TCF20: variants seen among roughly 807,000 people sequenced by gnomAD.
TCF20 encodes the protein SPRE-binding protein.
In TCF20, 3 loss-of-function variants were observed where a neutral mutation model predicts 148.6. The observed-to-expected ratio is 0.02, with a 90% CI of 0.01 to 0.05. TCF20 has a LOEUF of 0.05. Among genes scored for constraint, TCF20 ranks in the 10% least tolerant of loss-of-function variants. The probability of loss-of-function intolerance (pLI) is 1.00; values close to 1 mark genes in which losing one functional copy is unlikely to be tolerated. For synonymous variants in TCF20, 1,049 were observed against 909.5 expected (o/e 1.15, Z -2.76); for missense variants, 2,350 against 2,429.3 (o/e 0.97, Z 0.69).
chr22:42,269,975 C>G (rs991126801), intron 1 of TCF20: 2 of 152,426 alleles, frequency 1.3e-5, no homozygotes, highest in South Asian at 4.1e-4. Flanking sequence ...TCCCGGACGC[C>G]GCCCGCTCAC....
intron 1 of TCF20, among the ~76,000 whole-genome samples, chr22:42,227,266 C>G (rs1922993921): frequency 6.6e-6 from 1 of 152,098 alleles, no homozygotes; most frequent in East Asian, 1.9e-4. Context: ...GACAGAGCAA[C>G]AGCCTCTCTC....
At chr22:42,329,201 T>C (rs773055334) in intron 1 of TCF20, among the ~76,000 whole-genome samples, 1 of 152,126 alleles carries the variant, frequency 6.6e-6, no homozygotes, top group African/African-American at 2.4e-5. Flanking sequence ...CAAGAAGTGA[T>C]AAGGAGTCAG....
At position 42,215,012 on chromosome 22, in the gene TCF20, G is replaced by T; in HGVS notation, c.294C>A (p.Pro98=). ...GAGGCTGTGGGGTTCCTGTAGTCAC[G>T]GGGTCTTTGTTGCCTGCCATGTAGT... ...DFYYMAGNKD[P]VTTGTPQPPQ... Residue 98 remains proline (P), a synonymous_variant, in exon 2 of 6, where the codon CCC becomes CCA. Coordinates refer to ENST00000677622, the MANE Select transcript of TCF20 (RefSeq NM_001378418.1). 1.9e-6 allele frequency: 3 copies of T among 1,614,194 alleles called. No homozygotes were observed. The highest frequency in any genetic ancestry group is 2.5e-6 in the Non-Finnish European group (3 of 1,180,048).
At chr22:42,237,301 T>A (rs1324739617) in intron 1 of TCF20, among the ~76,000 whole-genome samples, 2 of 152,234 alleles carry the variant, frequency 1.3e-5, no homozygotes, top group Admixed American at 1.3e-4. Flanking sequence ...ATAAATCACT[T>A]TCTTTGCTCA....
chr22:42,312,472 G>A (rs1237731049), intron 1 of TCF20, among the ~76,000 whole-genome samples: 1 of 152,074 alleles, frequency 6.6e-6, no homozygotes, highest in Non-Finnish European at 1.5e-5. Flanking sequence ...TATACAAAAG[G>A]AGCTATGGAG....
chr22:42,308,164 G>A (rs372311133), intron 1 of TCF20, among the ~76,000 whole-genome samples: 1 of 152,282 alleles, frequency 6.6e-6, no homozygotes, highest in South Asian at 2.1e-4. Flanking sequence ...TGGTCTGGTA[G>A]CTGGGGTGGG....
At chr22:42,339,187 C>T (rs950926524) in intron 1 of TCF20, among the ~76,000 whole-genome samples, 1 of 152,184 alleles carries the variant, frequency 6.6e-6, no homozygotes, top group African/African-American at 2.4e-5. Flanking sequence ...TGGCCTAGCG[C>T]TCGTCCTCAC....
chr22:42,220,226 T>C (rs1188554707), intron 1 of TCF20, among the ~76,000 whole-genome samples: 1 of 152,208 alleles, frequency 6.6e-6, no homozygotes, highest in Non-Finnish European at 1.5e-5. Context: ...TGGAGTGCAG[T>C]GGCATGACCA....
Position 42,211,850 on chromosome 22 carries a change from G to A in TCF20, c.3456C>T (p.Tyr1152=), listed in dbSNP as rs768006744. The change falls in exon 2 of 6, where the codon TAC becomes TAT. Residue 1152 remains tyrosine, a synonymous_variant. Coordinates refer to ENST00000677622, the MANE Select transcript of TCF20 (RefSeq NM_001378418.1). The part of the protein sequence containing the change: ...GMMYGPPVGT[Y]HDPSAQEAGR... ...CAGCCTCCTGGGCACTGGGGTCATGGTAAGTCCCCACTGGTGGGCCATACA... is the reference window on the plus strand; with the variant it reads ...CAGCCTCCTGGGCACTGGGGTCATGATAAGTCCCCACTGGTGGGCCATACA... 6.2e-7 allele frequency: 1 copy of A among 1,614,186 alleles called. No homozygotes were observed. The highest frequency in any genetic ancestry group is 8.5e-7 in the Non-Finnish European group (1 of 1,180,036).
chr22:42,236,091 T>C (rs1923859016), intron 1 of TCF20, among the ~76,000 whole-genome samples: 1 of 151,888 alleles, frequency 6.6e-6, no homozygotes, highest in Non-Finnish European at 1.5e-5. Context: ...AATCACTTGC[T>C]TGTACACCCA....
At chr22:42,248,038 T>G (rs573348649) in intron 1 of TCF20, among the ~76,000 whole-genome samples, 2 of 152,172 alleles carry the variant, frequency 1.3e-5, no homozygotes, top group Non-Finnish European at 2.9e-5. Context: ...CTAGGAAACA[T>G]GGATGCAGAC....
At chr22:42,243,276 G>C (rs1235687545) in intron 1 of TCF20, among the ~76,000 whole-genome samples, 2 of 99,570 alleles carry the variant, frequency 2.0e-5, no homozygotes, top group Non-Finnish European at 3.6e-5. Flanking sequence ...CTGGCTGGCA[G>C]AGCAAGACAC....
Position 42,243,310 on chromosome 22 carries a change from A to AAAAAAAAAAAAAAAAAAAAAAAAAAC in TCF20, c.-37+27028_-37+27029insGTTTTTTTTTTTTTTTTTTTTTTTTT, listed in dbSNP as rs1569180401. On this transcript the variant is annotated intron_variant, in intron 1 of 5. Coordinates refer to ENST00000677622, the MANE Select transcript of TCF20 (RefSeq NM_001378418.1). ...ACTGTCTCAAAAAAAAAAAAAAAAAAAAAAAAAAAAAGTCAGGCATGATGG... is the reference window on the plus strand; with the variant it reads ...ACTGTCTCAAAAAAAAAAAAAAAAAAAAAAAAAAAAAAAAAAAAAAAAAAACAAAAAAAAAAAGTCAGGCATGATGG... Among the ~76,000 whole-genome samples the AAAAAAAAAAAAAAAAAAAAAAAAAAC allele has an allele frequency of 6.4e-5, 9 of 140,948 alleles. 1 individual carries two copies. The highest frequency in any genetic ancestry group is 2.4e-4 in the African/African-American group (8 of 33,012). 92.5% of individuals were successfully genotyped at this position (140,948 alleles called of 152,430 possible). A position where few individuals can be genotyped will look rare whatever the true frequency, so the allele number is the denominator to read the frequency against.
chr22:42,181,128 A>G (rs191220772), intron 2 of TCF20, among the ~76,000 whole-genome samples: 2 of 152,302 alleles, frequency 1.3e-5, no homozygotes, highest in Admixed American at 6.5e-5. Flanking sequence ...AGGACTATCA[A>G]CTTCAGAGAA....
intron 2 of TCF20, among the ~76,000 whole-genome samples, chr22:42,195,048 G>A (rs1452362023): frequency 6.6e-6 from 1 of 150,946 alleles, no homozygotes; most frequent in Non-Finnish European, 1.5e-5. Context: ...GCATTTCAAT[G>A]TCTAGGAGGC....
chr22:42,178,585 C>CTTTTTTT (rs71184870), intron 3 of TCF20, among the ~76,000 whole-genome samples: 1 of 78,428 alleles, frequency 1.3e-5, no homozygotes, highest in Non-Finnish European at 2.5e-5. Flanking sequence ...ACAAATAATT[C>CTTTTTTT]TTTTTTTTTT....
intron 5 of TCF20, among the ~76,000 whole-genome samples, chr22:42,166,557 C>T (rs1018105480): frequency 1.3e-5 from 2 of 149,268 alleles, no homozygotes; most frequent in Non-Finnish European, 1.5e-5. Context: ...TGCAGTGAGC[C>T]GAGATCGTGC....
chr22:42,218,469 C>A (rs558535571), intron 1 of TCF20, among the ~76,000 whole-genome samples: 11 of 152,178 alleles, frequency 7.2e-5, no homozygotes, highest in Non-Finnish European at 1.6e-4. Context: ...TTGTGATGTG[C>A]TCCTGCTCTA....
intron 1 of TCF20, among the ~76,000 whole-genome samples, chr22:42,318,409 G>A (rs1046050613): frequency 3.9e-5 from 6 of 152,144 alleles, no homozygotes; most frequent in East Asian, 3.9e-4. Flanking sequence ...CTTCCCTCGC[G>A]GCCTGTGAGA....
Sources: allele counts gnomAD v4.1 joint callset (sites outside exome capture counted in the v4.1 genomes callset), GRCh38; gene constraint gnomAD v4.1.1; transcripts MANE v1.5; gene names NCBI Gene and HGNC (gene_info 2026-07-23, HGNC 2026-07-21).